GPHN: variants seen among roughly 807,000 people sequenced by gnomAD.
GPHN encodes gephyrin.
A neutral mutation model predicts 95.5 loss-of-function variants in GPHN; 17 were observed. The ratio of observed to expected loss-of-function variants is 0.18; its 90% CI spans 0.12 to 0.27. GPHN has a LOEUF of 0.27. Ranked by LOEUF, GPHN falls within the 10% of genes least tolerant of loss-of-function variation. The pLI, the probability that GPHN is intolerant of heterozygous loss-of-function variation, is 1.00. For missense variants in GPHN, 660 were observed against 978.1 expected (o/e 0.67, Z 4.34); for synonymous variants, 320 against 322.5 (o/e 0.99, Z 0.08).
the GPHN span, chr14:67,646,568 C>T: frequency 5.9e-6 from 7 of 1,192,842 alleles, no homozygotes; most frequent in Non-Finnish European, 7.4e-6. Flanking sequence ...GATTGCATAC[C>T]CACGGACGCA....
At chr14:66,952,234 TG>T (rs1596485180) in intron 8 of GPHN, among the ~76,000 whole-genome samples, 1 of 152,216 alleles carries the variant, frequency 6.6e-6, no homozygotes, top group African/African-American at 2.4e-5. Flanking sequence ...ATTAATTGGC[TG>T]TCTCTGTAGG....
chr14:67,119,189 T>C (rs1469478880), intron 16 of GPHN, among the ~76,000 whole-genome samples: 2 of 152,196 alleles, frequency 1.3e-5, no homozygotes, highest in East Asian at 1.9e-4. Flanking sequence ...CTGAACAAGC[T>C]TGTGTTAAAA....
chr14:66,630,643 T>C (rs1394360389), intron 1 of GPHN, among the ~76,000 whole-genome samples: 1 of 152,100 alleles, frequency 6.6e-6, no homozygotes, highest in Non-Finnish European at 1.5e-5. Context: ...GGCTAATTTT[T>C]TGTATTTTTT....
intron 21 of GPHN, among the ~76,000 whole-genome samples, chr14:67,176,081 C>G (rs1285962054): frequency 1.3e-5 from 2 of 152,194 alleles, no homozygotes; most frequent in East Asian, 3.9e-4. Context: ...TTTCTCTTGC[C>G]TGATTGCCCT....
At chr14:66,685,227 T>C (rs1566815968) in intron 2 of GPHN, among the ~76,000 whole-genome samples, 2 of 152,214 alleles carry the variant, frequency 1.3e-5, no homozygotes, top group African/African-American at 2.4e-5. Context: ...CCATGTGTCT[T>C]TATAGCAGCA....
chr14:67,437,564 G>C, the GPHN span, among the ~76,000 whole-genome samples: 1 of 152,196 alleles, frequency 6.6e-6, no homozygotes, highest in Admixed American at 6.5e-5. Context: ...CTGAGAATAG[G>C]CTGTGCGGGC....
the GPHN span, among the ~76,000 whole-genome samples, chr14:67,322,844 G>T: frequency 6.6e-6 from 1 of 152,128 alleles, no homozygotes; most frequent in Non-Finnish European, 1.5e-5. Context: ...TTGATAGAGC[G>T]TGTCAGTTTG....
the GPHN span, among the ~76,000 whole-genome samples, chr14:67,566,618 C>A: frequency 8.1e-4 from 124 of 152,158 alleles, 5 homozygotes; most frequent in South Asian, 0.025. Flanking sequence ...CATGGTGGCA[C>A]ATGCCGGTAG....
chr14:67,376,150 G>C, the GPHN span, among the ~76,000 whole-genome samples: 2 of 131,626 alleles, frequency 1.5e-5, no homozygotes, highest in South Asian at 4.8e-4. Context: ...CTATATATTT[G>C]ATCTATGCGA....
At chr14:67,452,535 C>G in the GPHN span, among the ~76,000 whole-genome samples, 3,943 of 152,194 alleles carry the variant, frequency 0.026, 74 homozygotes, top group Non-Finnish European at 0.037. Context: ...GAAAATGCAC[C>G]AATACAAGGT....
chr14:67,328,953 C>T, the GPHN span, among the ~76,000 whole-genome samples: 1 of 152,064 alleles, frequency 6.6e-6, no homozygotes, highest in African/African-American at 2.4e-5. Context: ...GTTGTCTTGG[C>T]AATGCAGGCT....
At chr14:67,381,532 C>A in the GPHN span, 3 of 1,347,220 alleles carry the variant, frequency 2.2e-6, no homozygotes, top group Non-Finnish European at 3.2e-6. Context: ...TGTTTGATTT[C>A]CTTTAAACTT....
the GPHN span, among the ~76,000 whole-genome samples, chr14:67,259,663 C>T: frequency 1.3e-5 from 2 of 151,748 alleles, no homozygotes; most frequent in African/African-American, 2.4e-5. Flanking sequence ...GTAATCCCAG[C>T]GCCCTGAGAG....
the GPHN span, chr14:67,616,734 T>C: frequency 6.6e-6 from 1 of 152,008 alleles, no homozygotes; most frequent in South Asian, 2.1e-4. Context: ...ATCTTGGGAA[T>C]GGGATGCAAC....
the GPHN span, chr14:67,642,041 C>T: frequency 3.7e-6 from 3 of 809,512 alleles, no homozygotes; most frequent in South Asian, 1.8e-5. Flanking sequence ...AGATAATCTT[C>T]CCACAATCAT....
intron 10 of GPHN, among the ~76,000 whole-genome samples, chr14:67,029,230 C>T (rs1297089090): frequency 2.6e-5 from 4 of 151,950 alleles, no homozygotes; most frequent in Admixed American, 6.6e-5. Flanking sequence ...TGCTGTTTTG[C>T]GTACTACAGC....
chr14:67,628,192 A>G, the GPHN span, among the ~76,000 whole-genome samples: 10 of 152,012 alleles, frequency 6.6e-5, no homozygotes, highest in Non-Finnish European at 1.5e-4. Flanking sequence ...CAAGCTTTTC[A>G]TTTTCTGGGC....
chr14:66,857,881 G>T, intron 4 of GPHN, among the ~76,000 whole-genome samples: 1 of 152,194 alleles, frequency 6.6e-6, no homozygotes, highest in Non-Finnish European at 1.5e-5. Context: ...GTGATTGTGA[G>T]ACGTAGCATT....
In GPHN at chr14:66,777,129, G is replaced by C. The variant is rs546521014; in HGVS notation, c.201+608G>C. ...GAATCAAATAGACGCAATAAAAAAT[G>C]ATAAAGGGGATATCACCACCGATCC... On this transcript the variant is annotated intron_variant, in intron 3 of 22. Transcript: ENST00000478722. Among the ~76,000 whole-genome samples, 39 of 150,164 alleles carry C rather than the reference G, an allele frequency of 2.6e-4. No homozygotes were observed. In the South Asian group the frequency reaches 8.2e-3, roughly 32 times the overall value.
Sources: allele counts gnomAD v4.1 joint callset (sites outside exome capture counted in the v4.1 genomes callset), GRCh38; gene constraint gnomAD v4.1.1; transcripts MANE v1.5; gene names NCBI Gene and HGNC (gene_info 2026-07-23, HGNC 2026-07-21).